SH2D5: variants seen among roughly 807,000 people sequenced by gnomAD.
SH2D5 encodes the protein SH2 domain-containing protein 5.
SH2D5 carries 45 observed loss-of-function variants against 48.2 expected under a neutral mutation model. The observed-to-expected ratio is 0.93, with a 90% CI of 0.73 to 1.20. The LOEUF is 1.20. SH2D5 is among the 50% of genes most tolerant of loss of function. SH2D5 has a pLI of 0.00. For synonymous variants in SH2D5, 230 were observed against 249.8 expected (o/e 0.92, Z 0.75); for missense variants, 538 against 584.1 (o/e 0.92, Z 0.81).
rs767232120 is a variant in SH2D5, at chr1:20,726,046, G to A, written c.264C>T (p.Ala88=). The change falls in exon 5 of 10, where the codon GCC becomes GCT. Residue 88 remains alanine (A), a synonymous_variant. Transcript: ENST00000444387. The part of the protein sequence containing the change: ...GEGEVLLMAH[A]LRRILYSTWC... ...AGGTGGAGTAGAGTATGCGCCTCAG[G>A]GCATGAGCCATCAGCAGCACCTGGC... The A allele has an allele frequency of 9.3e-6, 15 of 1,607,112 alleles. No individual in the cohort carries two copies. Among genetic ancestry groups the A allele is most frequent in the Non-Finnish European group, 1.3e-5 (15 of 1,177,264 alleles).
chr1:20,727,773 T>C (rs747036983), intron 2 of SH2D5, among the ~76,000 whole-genome samples, 170 bp from the exon 3 acceptor site: 4 of 152,168 alleles, frequency 2.6e-5, no homozygotes, highest in Non-Finnish European at 4.4e-5. Context: ...CAGGAGACCT[T>C]GGTCAGGTCA....
At position 20,728,233 on chromosome 1, in the gene SH2D5, A is replaced by G. The variant is rs646786; in HGVS notation, c.-42-147T>C. Reference sequence around the variant, plus strand: ...GTCCCGGGCCCTGGGGAGCCAGCCCAGAAGAAAATGATGACGTCTCTGACT... The same window carrying G: ...GTCCCGGGCCCTGGGGAGCCAGCCCGGAAGAAAATGATGACGTCTCTGACT... On this transcript the variant is annotated intron_variant, in intron 1 of 9. Coordinates refer to ENST00000444387, the MANE Select transcript of SH2D5 (RefSeq NM_001103161.2). This position sits in a 1 kb window ranked among gnomAD's most constrained non-coding sequence, Gnocchi z 4.3. 404,174 of 593,370 alleles carry G rather than the reference A, an allele frequency of 0.68. 138,966 individuals carry two copies. The highest frequency in any genetic ancestry group is 0.86 in the East Asian group (30,895 of 35,822). The allele number at this position is 593,370 out of a possible 1,614,324, so 36.8% of individuals were successfully genotyped here.
rs2054927924 is a variant in SH2D5, at chr1:20,732,477, T to G, written c.-339A>C. On this transcript the variant is annotated 5_prime_UTR_variant, in exon 1 of 10. Transcript: ENST00000444387. The surrounding 1 kb of genome is among the most constrained non-coding windows in gnomAD (Gnocchi z 5.1). ...GCCTTCCACGACCACCACTCACGCT[T>G]CATTCTCTGCAGAGCCCTTGTGACT... The G allele has an allele frequency of 1.3e-5, 2 of 152,542 alleles. No individual in the cohort carries two copies. The highest frequency in any genetic ancestry group is 6.5e-5 in the Admixed American group (1 of 15,296). The allele number at this position is 152,542 out of a possible 1,614,324, so 9.4% of individuals were successfully genotyped here.
At chr1:20,726,578 G>T (rs974906062) in intron 4 of SH2D5, among the ~76,000 whole-genome samples, 3 of 152,118 alleles carry the variant, frequency 2.0e-5, no homozygotes, top group Admixed American at 1.3e-4. Flanking sequence ...CGCGCAATCA[G>T]TGTCCGCCCC....
At chr1:20,722,675 A>G (rs2154538399) in intron 9 of SH2D5, 81 bp downstream of exon 9, 1 of 1,346,222 alleles carries the variant, frequency 7.4e-7, no homozygotes, top group East Asian at 2.9e-5. Flanking sequence ...CTCAGCAGTT[A>G]GAAAAGGGCA....
At chr1:20,727,674 T>C (rs2054828450) in intron 2 of SH2D5, 71 bp from the exon 3 acceptor site, 3 of 1,364,914 alleles carry the variant, frequency 2.2e-6, no homozygotes, top group Non-Finnish European at 3.0e-6. Context: ...ATCCTCCAAA[T>C]TCCCCCCAAA....
At chr1:20,727,690 A>C in intron 2 of SH2D5, 87 bp from the exon 3 acceptor site, 10 of 1,203,394 alleles carry the variant, frequency 8.3e-6, no homozygotes, top group Non-Finnish European at 1.2e-5. Context: ...CCAAACACAC[A>C]TCTGCTCTGC....
intron 2 of SH2D5, 91 bp downstream of exon 2, chr1:20,727,867 G>A: frequency 9.3e-7 from 1 of 1,079,446 alleles, no homozygotes; most frequent in Non-Finnish European, 1.4e-6. Context: ...GGTGGAAATA[G>A]GTCCTAGGCC....
Position 20,728,481 on chromosome 1 carries a change from A to G in SH2D5, c.-42-395T>C, listed in dbSNP as rs1482478216. On this transcript the variant is annotated intron_variant, in intron 1 of 9. Coordinates refer to ENST00000444387, the MANE Select transcript of SH2D5 (RefSeq NM_001103161.2). This position sits in a 1 kb window ranked among gnomAD's most constrained non-coding sequence, Gnocchi z 4.3. The stretch of plus-strand genomic sequence containing the variant: ...AGGGTCACTCAAAAACTCAGCAAGC[A>G]CTGAGGATCCTGGTGTTCTGGGCTG... 6.6e-6 allele frequency among the ~76,000 whole-genome samples: 1 copy of G among 152,042 alleles called. No homozygotes were observed. Among genetic ancestry groups the G allele is most frequent in the Admixed American group, 6.5e-5 (1 of 15,278 alleles).
chr1:20,723,279 G>T (rs972333637), intron 8 of SH2D5, among the ~76,000 whole-genome samples: 1 of 152,192 alleles, frequency 6.6e-6, no homozygotes, highest in Non-Finnish European at 1.5e-5. Context: ...AGCTTAGAAG[G>T]TTTCTCCAGA....
At chr1:20,722,665 C>A in intron 9 of SH2D5, 91 bp downstream of exon 9, 1 of 1,314,832 alleles carries the variant, frequency 7.6e-7, no homozygotes, top group Non-Finnish European at 1.0e-6. Flanking sequence ...CATTCAGGAC[C>A]TCAGCAGTTA....
At chr1:20,723,782 A>G (rs746340082) in intron 7 of SH2D5, 48 bp from the exon 8 acceptor site, 6 of 1,486,062 alleles carry the variant, frequency 4.0e-6, no homozygotes, top group South Asian at 2.3e-5. Flanking sequence ...GAGCCCTCCC[A>G]TTCCCTGCGG....
chr1:20,725,321 G>T (rs2054774200), intron 5 of SH2D5, among the ~76,000 whole-genome samples: 1 of 152,238 alleles, frequency 6.6e-6, no homozygotes, highest in Non-Finnish European at 1.5e-5. Flanking sequence ...TTGCTGGTCA[G>T]AACCAAACCC....
chr1:20,731,274 C>T (rs577903825), intron 1 of SH2D5: 1 of 152,528 alleles, frequency 6.6e-6, no homozygotes, highest in Non-Finnish European at 1.5e-5. Flanking sequence ...ACTGCCCCAA[C>T]ACGCGTCCAC....
intron 4 of SH2D5, among the ~76,000 whole-genome samples, chr1:20,726,642 G>A (rs192875501): frequency 9.5e-4 from 145 of 152,264 alleles, no homozygotes; most frequent in African/African-American, 3.2e-3. Context: ...GAGGAGCAGT[G>A]GCCAGGAGCA....
Position 20,728,021 on chromosome 1 carries a change from GC to G in SH2D5, c.23del (p.Gly8AlafsTer48). The G allele has an allele frequency of 3.9e-6, 6 of 1,553,710 alleles. No individual in the cohort carries two copies. Among genetic ancestry groups the G allele is most frequent in the Non-Finnish European group, 3.5e-6 (4 of 1,149,894 alleles). MQKAGAGGRRASDCGLAP... is the reference protein window; with the variant it reads MQKAGAGXRRASDCGLAP... ...CCAGCCCGCAGTCAGAGGCCCTGCG[GC>G]CCCCAGCCCCCGCCTTCTGCATGGC... On this transcript the variant is annotated frameshift_variant, in exon 2 of 10. Transcript: ENST00000444387. LOFTEE classifies it high-confidence loss of function. This position sits in a 1 kb window ranked among gnomAD's most constrained non-coding sequence, Gnocchi z 4.3.
At chr1:20,722,043 C>T (rs780944524) in intron 9 of SH2D5, 48 bp from the exon 10 acceptor site, 66 of 1,560,870 alleles carry the variant, frequency 4.2e-5, no homozygotes, top group African/African-American at 8.1e-5. Context: ...CCAGGGCTCA[C>T]GCCAGGCACC....
At chr1:20,727,881 A>T in intron 2 of SH2D5, 77 bp downstream of exon 2, 1 of 1,185,184 alleles carries the variant, frequency 8.4e-7, no homozygotes, top group Non-Finnish European at 1.2e-6. Flanking sequence ...CTAGGCCCGC[A>T]GCACTTCCCA....
Position 20,722,892 on chromosome 1 carries a change from C to A in SH2D5, c.932G>T (p.Arg311Leu). ...CAGGAAGGCCCCCAGCACGTCTCTC[C>A]GCAACAGGGCCAGGGCACAGGGCCT... ...ISRPCALALL[R>L]RDVLGAFLLW... The change falls in exon 9 of 10, where the codon CGG becomes CTG. Residue 311 changes from arginine (R) to leucine (L), a missense_variant. Physicochemically the swap from Arg to Leu is moderately radical, Grantham distance 102 (BLOSUM62 -2). Transcript: ENST00000444387. 1 of 1,600,116 alleles carries A rather than the reference C, an allele frequency of 6.2e-7. No individual in the cohort carries two copies. The highest frequency in any genetic ancestry group is 8.5e-7 in the Non-Finnish European group (1 of 1,173,746).
Sources: gnomAD v4.1 joint callset for allele counts (sites outside exome capture counted in the v4.1 genomes callset) on GRCh38, gnomAD v4.1.1 for gene constraint, Gnocchi (gnomAD v3.1) non-coding constraint, MANE v1.5 for transcripts, NCBI Gene and HGNC (gene_info 2026-07-23, HGNC 2026-07-21) for gene names.